The following CCDC171 variants were observed in gnomAD, a reference collection of about 807,000 sequenced individuals.
CCDC171 encodes coiled-coil domain-containing protein 171.
Under a neutral mutation model 168.2 loss-of-function variants are expected in CCDC171, and 177 were observed. That is an observed-to-expected ratio of 1.05 (90% CI 0.93 to 1.19). CCDC171 has a LOEUF of 1.19. Among genes scored for constraint, CCDC171 ranks in the 50% most tolerant of loss-of-function variants. The pLI, the probability that CCDC171 is intolerant of heterozygous loss-of-function variation, is 0.00. For synonymous variants in CCDC171, 687 were observed against 540.8 expected (o/e 1.27, Z -3.75); for missense variants, 1,991 against 1,539.0 (o/e 1.29, Z -4.91).
At chr9:15,699,446 G>A (rs1274964538) in intron 11 of CCDC171, among the ~76,000 whole-genome samples, 2 of 152,128 alleles carry the variant, frequency 1.3e-5, no homozygotes, top group Non-Finnish European at 1.5e-5. Flanking sequence ...CTGCTGGCTT[G>A]GGCAGCCTCT....
chr9:15,656,440 T>C (rs1425553824), intron 7 of CCDC171, among the ~76,000 whole-genome samples: 1 of 152,174 alleles, frequency 6.6e-6, no homozygotes, highest in African/African-American at 2.4e-5. Context: ...ACACAAATGC[T>C]CATAGCAGCT....
At chr9:15,963,160 A>G (rs933987115) in intron 25 of CCDC171, among the ~76,000 whole-genome samples, 1 of 152,106 alleles carries the variant, frequency 6.6e-6, no homozygotes, top group Non-Finnish European at 1.5e-5. Flanking sequence ...GAAGGGGAAC[A>G]TCACACACCG....
the CCDC171 span, among the ~76,000 whole-genome samples, chr9:16,089,607 T>C: frequency 6.6e-6 from 1 of 152,006 alleles, no homozygotes; most frequent in African/African-American, 2.4e-5. Context: ...GCTAGCCAGT[T>C]TTCCCAACAC....
At chr9:15,772,900 T>C (rs2057088277) in intron 18 of CCDC171, among the ~76,000 whole-genome samples, 2 of 152,160 alleles carry the variant, frequency 1.3e-5, no homozygotes, top group African/African-American at 2.4e-5. Flanking sequence ...GAAATGGAGA[T>C]GTCAGGGTTG....
At chr9:15,998,852 T>C (rs1832448099) in intron 3 of CCDC171, among the ~76,000 whole-genome samples, 1 of 152,172 alleles carries the variant, frequency 6.6e-6, no homozygotes, top group South Asian at 2.1e-4. Context: ...TTGCCCCTAC[T>C]CCTCAGCAAA....
chr9:16,103,029 C>G, the CCDC171 span, among the ~76,000 whole-genome samples: 1 of 152,366 alleles, frequency 6.6e-6, no homozygotes, highest in East Asian at 1.9e-4. Flanking sequence ...AATGCAATTG[C>G]TCTTCAAGCT....
chr9:15,908,399 A>T (rs1397842267), intron 24 of CCDC171, among the ~76,000 whole-genome samples: 1 of 152,108 alleles, frequency 6.6e-6, no homozygotes, highest in Admixed American at 6.6e-5. Flanking sequence ...GCCAACTATC[A>T]CAAGGAGAAA....
At chr9:15,605,426 T>A (rs765458828) in intron 6 of CCDC171, among the ~76,000 whole-genome samples, 1 of 149,134 alleles carries the variant, frequency 6.7e-6, no homozygotes, top group Non-Finnish European at 1.5e-5. Context: ...ATGCTTGTAA[T>A]CCCAGCACTT....
intron 6 of CCDC171, among the ~76,000 whole-genome samples, chr9:15,614,586 C>T (rs913717227): frequency 6.6e-6 from 1 of 152,132 alleles, no homozygotes; most frequent in Admixed American, 6.5e-5. Context: ...TTTGGTGCTA[C>T]CCCATTCTGG....
chr9:15,787,772 C>T (rs76997149), intron 21 of CCDC171, among the ~76,000 whole-genome samples: 1 of 152,146 alleles, frequency 6.6e-6, no homozygotes, highest in Non-Finnish European at 1.5e-5. Flanking sequence ...TTGGCCCTAC[C>T]TGGCTATTAC....
At chr9:15,634,316 A>G (rs574598799) in intron 7 of CCDC171, among the ~76,000 whole-genome samples, 24 of 152,286 alleles carry the variant, frequency 1.6e-4, no homozygotes, top group East Asian at 5.8e-4. Flanking sequence ...ATTACAATCT[A>G]TAGGTCTTTT....
At chr9:15,634,004 A>G (rs542925359) in intron 7 of CCDC171, among the ~76,000 whole-genome samples, 13 of 151,024 alleles carry the variant, frequency 8.6e-5, no homozygotes, top group Admixed American at 8.6e-4. Context: ...GAAGGGGAAC[A>G]TCACACTCTG....
chr9:15,853,956 G>GTTA (rs2061242043), intron 23 of CCDC171, among the ~76,000 whole-genome samples: 1 of 149,240 alleles, frequency 6.7e-6, no homozygotes, highest in South Asian at 2.1e-4. Context: ...ATCTCACTTG[G>GTTA]TTATGGTGTA....
chr9:15,783,766 C>T (rs1266392334), intron 20 of CCDC171, among the ~76,000 whole-genome samples: 1 of 152,170 alleles, frequency 6.6e-6, no homozygotes, highest in African/African-American at 2.4e-5. Context: ...CCCTCCAAAG[C>T]AGTCATGATA....
chr9:16,098,839 G>T, the CCDC171 span, among the ~76,000 whole-genome samples: 2 of 152,176 alleles, frequency 1.3e-5, no homozygotes, highest in Non-Finnish European at 2.9e-5. Context: ...TCTAAATTGG[G>T]AGTGGGGGAG....
At chr9:15,691,546 T>TTATATA (rs55892512) in intron 10 of CCDC171, among the ~76,000 whole-genome samples, 123 of 106,394 alleles carry the variant, frequency 1.2e-3, no homozygotes, top group African/African-American at 1.7e-3. Flanking sequence ...TATATGTTTT[T>TTATATA]TATATATATA....
intron 18 of CCDC171, among the ~76,000 whole-genome samples, chr9:15,748,985 A>G (rs1183939151): frequency 6.6e-6 from 1 of 152,202 alleles, no homozygotes; most frequent in Non-Finnish European, 1.5e-5. Context: ...TTAAATGTAA[A>G]TGGGCTAAAG....
At chr9:15,722,805 GA>G (rs1320348927) in intron 12 of CCDC171, among the ~76,000 whole-genome samples, 1 of 152,160 alleles carries the variant, frequency 6.6e-6, no homozygotes, top group African/African-American at 2.4e-5. Flanking sequence ...AGGCATAAAA[GA>G]AAATGACCAT....
At chr9:15,595,302 C>G (rs1039875394) in intron 6 of CCDC171, among the ~76,000 whole-genome samples, 5 of 152,112 alleles carry the variant, frequency 3.3e-5, no homozygotes, top group Non-Finnish European at 7.4e-5. Flanking sequence ...TCCCCGCTCC[C>G]CTGACCCCAC....
Sources: gnomAD v4.1 joint callset for allele counts (sites outside exome capture counted in the v4.1 genomes callset) on GRCh38, gnomAD v4.1.1 for gene constraint, MANE v1.5 for transcripts, NCBI Gene and HGNC (gene_info 2026-07-23, HGNC 2026-07-21) for gene names.